The following MLLT10 variants were observed in gnomAD, a reference collection of about 807,000 sequenced individuals.
MLLT10 encodes the protein protein AF-10.
A neutral mutation model predicts 129.1 loss-of-function variants in MLLT10; 30 were observed. The observed-to-expected ratio is 0.23, with a 90% CI of 0.17 to 0.32. The LOEUF (loss-of-function observed/expected upper bound fraction) is 0.32, where lower values mean the gene tolerates loss of function less well. Among genes scored for constraint, MLLT10 ranks in the 10% least tolerant of loss-of-function variants. MLLT10 has a pLI of 1.00. For missense variants in MLLT10, 1,119 were observed against 1,268.3 expected (o/e 0.88, Z 1.79); for synonymous variants, 490 against 446.4 (o/e 1.10, Z -1.23).
intron 14 of MLLT10, among the ~76,000 whole-genome samples, chr10:21,715,490 A>G (rs548251262): frequency 1.8e-4 from 27 of 152,282 alleles, no homozygotes; most frequent in African/African-American, 6.5e-4. Context: ...GCTCCTATAA[A>G]TGGTTTTATC....
Position 21,642,668 on chromosome 10 carries a change from A to C in MLLT10, c.700-9005A>C, listed in dbSNP as rs567843318. On this transcript the variant is annotated intron_variant, in intron 8 of 22. Transcript: ENST00000307729. The stretch of plus-strand genomic sequence containing the variant: ...CAAGACTCTGTCTCAAAAAAAAAAA[A>C]AAAAGAAAAGAAAAATTTAACTTCT... 3.9e-5 allele frequency among the ~76,000 whole-genome samples: 6 copies of C among 152,090 alleles called. No homozygotes were observed. The South Asian group carries it at 1.2e-3, about 32-fold the overall frequency.
At chr10:21,703,291 T>G in intron 13 of MLLT10, among the ~76,000 whole-genome samples, 1 of 152,090 alleles carries the variant, frequency 6.6e-6, no homozygotes, top group East Asian at 1.9e-4. Flanking sequence ...CTGAAAGTTT[T>G]TTTTTTTTCC....
At chr10:21,590,659 A>G (rs1292016722) in intron 4 of MLLT10, among the ~76,000 whole-genome samples, 1 of 151,960 alleles carries the variant, frequency 6.6e-6, no homozygotes, top group Non-Finnish European at 1.5e-5. Context: ...TTTTATTATT[A>G]TTTTGTTAAT....
intron 21 of MLLT10, chr10:21,738,350 A>G: frequency 4.0e-6 from 5 of 1,239,382 alleles, no homozygotes; most frequent in Non-Finnish European, 5.3e-6. Context: ...ATGAGCACTA[A>G]AACTCCATTT....
At chr10:21,651,363 C>A (rs1229945568) in intron 8 of MLLT10, among the ~76,000 whole-genome samples, 1 of 152,136 alleles carries the variant, frequency 6.6e-6, no homozygotes, top group Non-Finnish European at 1.5e-5. Context: ...AGCCACCATG[C>A]CTGGCCGTAT....
At chr10:21,568,293 A>G (rs1435524156) in intron 3 of MLLT10, among the ~76,000 whole-genome samples, 2 of 152,224 alleles carry the variant, frequency 1.3e-5, no homozygotes, top group Non-Finnish European at 2.9e-5. Context: ...TCCACCTTTC[A>G]GAGAAAATTC....
chr10:21,733,079 C>T lies in MLLT10; in HGVS notation c.2399C>T (p.Ala800Val), dbSNP rs977790976. The change falls in exon 18 of 23, where the codon GCA (alanine) becomes GTA (valine). Residue 800 changes from alanine to valine, a missense_variant. Physicochemically the swap from Ala to Val is moderately conservative, Grantham distance 64. Around this residue, in one of 5 missense-constraint regions of MLLT10, gnomAD observed 1,004 missense variants for 1,008.7 expected, o/e 1.00. Coordinates refer to ENST00000307729, the MANE Select transcript of MLLT10 (RefSeq NM_001195626.3). ...TCTCATCAAATACACACATTTTCAG[C>T]ACAGACTGGTAAGTGTGAAAATATT... ...SPSHQIHTFS[A>V]QTAPTTDSLN... 3.1e-6 allele frequency: 5 copies of T among 1,605,100 alleles called. No individual in the cohort carries two copies. The highest frequency in any genetic ancestry group is 1.1e-5 in the South Asian group (1 of 89,392).
Position 21,683,825 on chromosome 10 carries a change from C to T in MLLT10, c.1699+1568C>T, listed in dbSNP as rs1021679886. On this transcript the variant is annotated intron_variant, in intron 13 of 22. Transcript: ENST00000307729. ...GCAGTGGCGTGATATTGGCTCACTG[C>T]AACCTCCGCCTCCTGGGTTCTCCCA... 7.6e-4 allele frequency among the ~76,000 whole-genome samples: 115 copies of T among 151,756 alleles called. 1 individual carries two copies. Among genetic ancestry groups the T allele is most frequent in the African/African-American group, 2.7e-3 (113 of 41,406 alleles).
At chr10:21,542,035 G>A (rs1010554627) in intron 3 of MLLT10, among the ~76,000 whole-genome samples, 1 of 152,076 alleles carries the variant, frequency 6.6e-6, no homozygotes, top group Non-Finnish European at 1.5e-5. Flanking sequence ...GCAGTGGAAC[G>A]TATGGTTTAT....
chr10:21,618,348 A>G (rs185292598), intron 8 of MLLT10, among the ~76,000 whole-genome samples: 4 of 151,684 alleles, frequency 2.6e-5, no homozygotes, highest in African/African-American at 9.7e-5. Context: ...ATACGAAAAA[A>G]AAAAATTATT....
chr10:21,652,277 TTAAG>T (rs2049123236), intron 9 of MLLT10, among the ~76,000 whole-genome samples: 1 of 152,176 alleles, frequency 6.6e-6, no homozygotes, highest in South Asian at 2.1e-4. Context: ...AAGCCTGTTG[TTAAG>T]TAAGGATAAC....
At chr10:21,636,532 A>G (rs1278605474) in intron 8 of MLLT10, among the ~76,000 whole-genome samples, 1 of 150,078 alleles carries the variant, frequency 6.7e-6, no homozygotes, top group African/African-American at 2.4e-5. Flanking sequence ...TATATTTTTT[A>G]TGTTTTAATG....
intron 6 of MLLT10, among the ~76,000 whole-genome samples, chr10:21,612,913 GCC>G (rs954537176): frequency 6.6e-6 from 1 of 152,072 alleles, no homozygotes; most frequent in African/African-American, 2.4e-5. Context: ...ACTCTTTCAT[GCC>G]GGGTGCAGTG....
At chr10:21,680,960 A>C (rs1302689311) in intron 11 of MLLT10, among the ~76,000 whole-genome samples, 1 of 152,156 alleles carries the variant, frequency 6.6e-6, no homozygotes, top group Non-Finnish European at 1.5e-5. Context: ...TGTCTCAAAA[A>C]AAAAAAAAAG....
At chr10:21,711,686 A>C (rs548746267) in intron 13 of MLLT10, among the ~76,000 whole-genome samples, 5 of 152,010 alleles carry the variant, frequency 3.3e-5, no homozygotes, top group Non-Finnish European at 7.4e-5. Context: ...TCAAGGCTGC[A>C]GTGAGCTATG....
intron 21 of MLLT10, chr10:21,738,658 T>C: frequency 4.1e-6 from 3 of 737,230 alleles, no homozygotes; most frequent in Non-Finnish European, 3.3e-6. Flanking sequence ...AATCCAGTGG[T>C]CCCTTCTCAT....
intron 10 of MLLT10, 50 bp from the exon 11 acceptor site, chr10:21,673,300 G>GGGC: frequency 3.1e-6 from 2 of 655,064 alleles, no homozygotes; most frequent in Non-Finnish European, 4.3e-6. Context: ...CAATTTTTCT[G>GGGC]TCCCCCCCAC....
intron 3 of MLLT10, among the ~76,000 whole-genome samples, chr10:21,558,684 C>A (rs925291762): frequency 2.0e-5 from 3 of 152,002 alleles, no homozygotes; most frequent in East Asian, 1.9e-4. Context: ...TTGTGCCCAA[C>A]CTCTTTTCAA....
chr10:21,606,952 T>C (rs927758353), intron 5 of MLLT10, among the ~76,000 whole-genome samples: 6 of 152,164 alleles, frequency 3.9e-5, no homozygotes, highest in South Asian at 2.1e-4. Flanking sequence ...GAAGAGTCAA[T>C]TGATATAGCC....
Sources: gnomAD v4.1 joint callset for allele counts (sites outside exome capture counted in the v4.1 genomes callset) on GRCh38, gnomAD v4.1.1 for gene constraint, gnomAD v4.1.1 regional missense constraint, MANE v1.5 for transcripts, NCBI Gene and HGNC (gene_info 2026-07-23, HGNC 2026-07-21) for gene names.